The following MLLT3 variants were observed in gnomAD, a reference collection of about 807,000 sequenced individuals.
MLLT3 encodes the protein MLLT3 super elongation complex subunit.
Under a neutral mutation model 53.2 loss-of-function variants are expected in MLLT3, and 4 were observed. That is an observed-to-expected ratio of 0.08 (90% CI 0.04 to 0.17). The LOEUF (loss-of-function observed/expected upper bound fraction) is 0.17. MLLT3 is among the 10% of genes least tolerant of loss of function. The pLI, the probability that MLLT3 is intolerant of heterozygous loss-of-function variation, is 1.00. For synonymous variants in MLLT3, 283 were observed against 230.6 expected, an observed-to-expected ratio of 1.23 and a Z score of -2.06; for missense variants, 569 against 684.0, an observed-to-expected ratio of 0.83 and a Z score of 1.87.
chr9:20,611,418 T>C (rs1157843563), intron 2 of MLLT3, among the ~76,000 whole-genome samples: 1 of 152,048 alleles, frequency 6.6e-6, no homozygotes, highest in Non-Finnish European at 1.5e-5. Context: ...AAAATCAATA[T>C]ACACACACAG....
intron 2 of MLLT3, among the ~76,000 whole-genome samples, chr9:20,599,097 A>G (rs988341703): frequency 3.3e-5 from 5 of 152,140 alleles, no homozygotes; most frequent in African/African-American, 1.2e-4. Flanking sequence ...CGAGGTCAAG[A>G]GATCGAGACC....
chr9:20,415,612 T>G (rs1456700256), intron 4 of MLLT3, among the ~76,000 whole-genome samples: 1 of 152,096 alleles, frequency 6.6e-6, no homozygotes, highest in Non-Finnish European at 1.5e-5. Flanking sequence ...TCTTCAGGCT[T>G]GCTTATTATC....
At chr9:20,580,802 C>A (rs912248949) in intron 2 of MLLT3, among the ~76,000 whole-genome samples, 1 of 152,214 alleles carries the variant, frequency 6.6e-6, no homozygotes, top group Admixed American at 6.5e-5. Flanking sequence ...GCATTCTAAT[C>A]ATACACAGCA....
intron 2 of MLLT3, among the ~76,000 whole-genome samples, chr9:20,518,144 G>A (rs958791686): frequency 3.3e-5 from 5 of 152,038 alleles, no homozygotes; most frequent in Admixed American, 2.0e-4. Context: ...TCAGGAGTTC[G>A]CAACCAGCCT....
intron 2 of MLLT3, among the ~76,000 whole-genome samples, chr9:20,595,657 G>A (rs1820242868): frequency 6.6e-6 from 1 of 152,166 alleles, no homozygotes. Flanking sequence ...ATCAGCAGTA[G>A]ATGCTAAGAC....
At chr9:20,595,961 T>C (rs953210156) in intron 2 of MLLT3, among the ~76,000 whole-genome samples, 3 of 152,224 alleles carry the variant, frequency 2.0e-5, no homozygotes, top group Non-Finnish European at 2.9e-5. Context: ...AGGAATTAAA[T>C]GTTTTATTTT....
At chr9:20,371,703 A>G (rs551434402) in intron 5 of MLLT3, among the ~76,000 whole-genome samples, 1 of 152,346 alleles carries the variant, frequency 6.6e-6, no homozygotes, top group East Asian at 1.9e-4. Flanking sequence ...GCTCTGCAGG[A>G]GATGCACAAG....
intron 10 of MLLT3, among the ~76,000 whole-genome samples, chr9:20,348,378 G>T (rs1820930370): frequency 6.6e-6 from 1 of 152,164 alleles, no homozygotes; most frequent in African/African-American, 2.4e-5. Context: ...TCTGAAAAGG[G>T]TATGGACAAT....
At chr9:20,445,649 T>A (rs1461868060) in intron 4 of MLLT3, among the ~76,000 whole-genome samples, 1 of 152,218 alleles carries the variant, frequency 6.6e-6, no homozygotes, top group Non-Finnish European at 1.5e-5. Flanking sequence ...TATGTACTTT[T>A]AGTTTAAAAG....
At chr9:20,592,165 A>C (rs1185143507) in intron 2 of MLLT3, among the ~76,000 whole-genome samples, 1 of 152,344 alleles carries the variant, frequency 6.6e-6, no homozygotes, top group East Asian at 1.9e-4. Context: ...ATGAAAAATT[A>C]GACTTTTAGC....
intron 5 of MLLT3, among the ~76,000 whole-genome samples, chr9:20,400,918 A>G (rs1822438919): frequency 6.6e-6 from 1 of 152,252 alleles, no homozygotes. Flanking sequence ...TAGAATTTGT[A>G]TTTTAGAAAG....
Position 20,341,905 on chromosome 9 carries a change from T to A in MLLT3, c.*4538A>T, listed in dbSNP as rs1476367138. On this transcript the variant is annotated 3_prime_UTR_variant, in exon 11 of 11. Transcript: ENST00000380338. ...CCAAAAAATGTATCCCACCACTTCT[T>A]GTTCCAATCTTTGCAGAGTTTTAAA... 4.9e-6 allele frequency: 1 copy of A among 203,380 alleles called. No individual in the cohort carries two copies. The highest frequency in any genetic ancestry group is 6.0e-5 in the Admixed American group (1 of 16,688). 12.6% of individuals were successfully genotyped at this position (203,380 alleles called of 1,614,324 possible). A position where few individuals can be genotyped will look rare whatever the true frequency, so the allele number is the denominator to read the frequency against.
Position 20,359,186 on chromosome 9 carries a change from G to GTTCAAATTCTAT in MLLT3, c.1431+1544_1431+1555dup, listed in dbSNP as rs1281621140. Among the ~76,000 whole-genome samples, 6 of 147,680 alleles carry GTTCAAATTCTAT rather than the reference G, an allele frequency of 4.1e-5. No homozygotes were observed. The East Asian group carries it at 9.9e-4, about 24-fold the overall frequency. On this transcript the variant is annotated intron_variant, in intron 8 of 10. Transcript: ENST00000380338. Reference sequence around the variant, plus strand: ...AAAAAAAAAAAAAAATCTCACCAAGGTTCAAATTCTATTCTAATGCTAGTT... The same window carrying GTTCAAATTCTAT: ...AAAAAAAAAAAAAAATCTCACCAAGGTTCAAATTCTATTTCAAATTCTATTCTAATGCTAGTT...
intron 2 of MLLT3, among the ~76,000 whole-genome samples, chr9:20,485,527 T>C (rs1824787373): frequency 6.6e-6 from 1 of 152,214 alleles, no homozygotes; most frequent in Non-Finnish European, 1.5e-5. Flanking sequence ...TCATTTACTA[T>C]AATATCACTA....
chr9:20,461,579 A>C (rs1360214735), intron 2 of MLLT3, among the ~76,000 whole-genome samples: 1 of 151,886 alleles, frequency 6.6e-6, no homozygotes, highest in African/African-American at 2.4e-5. Flanking sequence ...ATAATAAATT[A>C]CTTATATATA....
chr9:20,537,844 A>G (rs959825728), intron 2 of MLLT3, among the ~76,000 whole-genome samples: 2 of 152,220 alleles, frequency 1.3e-5, no homozygotes, highest in Admixed American at 6.5e-5. Flanking sequence ...CCAACATCAA[A>G]GTATCATAGT....
chr9:20,503,955 C>T (rs1378123898), intron 2 of MLLT3, among the ~76,000 whole-genome samples: 2 of 151,840 alleles, frequency 1.3e-5, no homozygotes, highest in Admixed American at 6.6e-5. Context: ...GAAAAAATGC[C>T]CAACATTACT....
At position 20,444,676 on chromosome 9, in the gene MLLT3, C is replaced by G. The variant is rs531102298; in HGVS notation, c.420+3447G>C. ...TCATTTCAGCTCAGGAGTTCAAGAT[C>G]AGCCTTGGCAACATGGGAAAACCTG... On this transcript the variant is annotated intron_variant, in intron 4 of 10. Coordinates refer to ENST00000380338, the MANE Select transcript of MLLT3 (RefSeq NM_004529.4). 3.3e-5 allele frequency among the ~76,000 whole-genome samples: 5 copies of G among 151,532 alleles called. No individual in the cohort carries two copies. In the South Asian group the frequency reaches 1.1e-3, roughly 32 times the overall value.
At chr9:20,380,559 C>T (rs114026948) in intron 5 of MLLT3, among the ~76,000 whole-genome samples, 2 of 152,074 alleles carry the variant, frequency 1.3e-5, no homozygotes, top group East Asian at 3.9e-4. Context: ...CACAATTGCA[C>T]GTACAATTCA....
Sources: gnomAD v4.1 joint callset for allele counts (sites outside exome capture counted in the v4.1 genomes callset) on GRCh38, gnomAD v4.1.1 for gene constraint, MANE v1.5 for transcripts, NCBI Gene and HGNC (gene_info 2026-07-23, HGNC 2026-07-21) for gene names.